The following PPP3CA variants were observed in gnomAD, a reference collection of about 807,000 sequenced individuals.
PPP3CA encodes the protein CAM-PRP catalytic subunit.
In PPP3CA, 14 loss-of-function variants were observed where a neutral mutation model predicts 66.5. The observed-to-expected ratio is 0.21, with a 90% CI of 0.14 to 0.33. The LOEUF is 0.33. Ranked by LOEUF, PPP3CA falls within the 10% of genes least tolerant of loss-of-function variation. The pLI, the probability that PPP3CA is intolerant of heterozygous loss-of-function variation, is 1.00. For synonymous variants in PPP3CA, 232 were observed against 226.2 expected (o/e 1.03, Z -0.23); for missense variants, 317 against 639.5 (o/e 0.50, Z 5.44).
At chr4:101,135,543 C>G (rs1722595595) in intron 2 of PPP3CA, among the ~76,000 whole-genome samples, 2 of 152,322 alleles carry the variant, frequency 1.3e-5, no homozygotes, top group South Asian at 4.1e-4. Context: ...GCTCAAGTAT[C>G]AGAGAGGCTT....
intron 1 of PPP3CA, among the ~76,000 whole-genome samples, chr4:101,328,416 G>A (rs1729271347): frequency 6.6e-6 from 1 of 152,162 alleles, no homozygotes; most frequent in Non-Finnish European, 1.5e-5. Flanking sequence ...GAAAAATTCT[G>A]ATCTCAAAAC....
chr4:101,257,915 C>G (rs914627839), intron 1 of PPP3CA, among the ~76,000 whole-genome samples: 7 of 152,024 alleles, frequency 4.6e-5, no homozygotes, highest in African/African-American at 1.7e-4. Flanking sequence ...ACCATGTTAG[C>G]AAATGAAACT....
intron 3 of PPP3CA, among the ~76,000 whole-genome samples, chr4:101,102,249 A>AAAGG (rs534565374): frequency 2.7e-5 from 4 of 150,736 alleles, no homozygotes; most frequent in Non-Finnish European, 4.4e-5. Flanking sequence ...GGAGGCAGAG[A>AAAGG]AAGGAAGGAA....
intron 10 of PPP3CA, among the ~76,000 whole-genome samples, chr4:101,051,250 T>A (rs1727995375): frequency 6.6e-6 from 1 of 152,186 alleles, no homozygotes; most frequent in Admixed American, 6.5e-5. Context: ...CAGAGAGAAA[T>A]ACTTTTAAAA....
At chr4:101,227,750 T>C (rs927888186) in intron 1 of PPP3CA, among the ~76,000 whole-genome samples, 3 of 151,576 alleles carry the variant, frequency 2.0e-5, no homozygotes, top group South Asian at 2.1e-4. Flanking sequence ...CTGGTGTCCA[T>C]TGCTCCCTTC....
intron 2 of PPP3CA, among the ~76,000 whole-genome samples, chr4:101,142,804 A>G (rs1300597210): frequency 1.3e-5 from 2 of 152,228 alleles, no homozygotes; most frequent in African/African-American, 4.8e-5. Context: ...AACATCTTGT[A>G]GAATCCATTT....
intron 4 of PPP3CA, among the ~76,000 whole-genome samples, chr4:101,098,795 G>A (rs1163639390): frequency 1.3e-5 from 2 of 151,922 alleles, no homozygotes; most frequent in Non-Finnish European, 2.9e-5. Flanking sequence ...TTTATCTGCA[G>A]ACGTCTCACC....
intron 10 of PPP3CA, among the ~76,000 whole-genome samples, chr4:101,051,385 T>C (rs910647708): frequency 6.6e-6 from 1 of 152,162 alleles, no homozygotes; most frequent in Admixed American, 6.6e-5. Flanking sequence ...AGTTGTTCCA[T>C]CAGTTATCAA....
chr4:101,249,532 A>G (rs1726605299), intron 1 of PPP3CA, among the ~76,000 whole-genome samples: 1 of 152,106 alleles, frequency 6.6e-6, no homozygotes, highest in African/African-American at 2.4e-5. Flanking sequence ...AAAGTTAAAC[A>G]TCAAAAAAAA....
intron 9 of PPP3CA, among the ~76,000 whole-genome samples, chr4:101,063,027 T>G (rs143919236): frequency 1.6e-4 from 25 of 151,998 alleles, no homozygotes; most frequent in African/African-American, 6.0e-4. Context: ...GTTTTGTTTT[T>G]TTTTTTGCTT....
intron 10 of PPP3CA, among the ~76,000 whole-genome samples, chr4:101,042,132 C>A (rs1286801741): frequency 6.8e-6 from 1 of 146,660 alleles, no homozygotes; most frequent in Admixed American, 6.8e-5. Flanking sequence ...AAAACTTGTA[C>A]AACACACACA....
intron 1 of PPP3CA, among the ~76,000 whole-genome samples, chr4:101,343,383 G>A (rs1352885336): frequency 6.6e-6 from 1 of 152,158 alleles, no homozygotes; most frequent in East Asian, 1.9e-4. Flanking sequence ...GAGAAATGAA[G>A]AAAAGCCAAA....
chr4:101,154,407 C>T (rs1048440997), intron 2 of PPP3CA, among the ~76,000 whole-genome samples: 1 of 152,074 alleles, frequency 6.6e-6, no homozygotes, highest in Non-Finnish European at 1.5e-5. Context: ...AATTAAAGAG[C>T]ACGTGATTTA....
intron 8 of PPP3CA, among the ~76,000 whole-genome samples, chr4:101,070,396 T>C (rs542530014): frequency 2.6e-5 from 4 of 152,244 alleles, no homozygotes; most frequent in South Asian, 2.1e-4. Flanking sequence ...TAAAAGGCAA[T>C]GTGTCACCTC....
intron 1 of PPP3CA, among the ~76,000 whole-genome samples, chr4:101,221,556 T>C (rs1410757770): frequency 6.6e-6 from 1 of 151,530 alleles, no homozygotes; most frequent in Non-Finnish European, 1.5e-5. Flanking sequence ...AGAATTCCAT[T>C]CACTTCGCTA....
At chr4:101,075,383 C>T (rs1452306070) in intron 8 of PPP3CA, among the ~76,000 whole-genome samples, 1 of 152,156 alleles carries the variant, frequency 6.6e-6, no homozygotes, top group Non-Finnish European at 1.5e-5. Flanking sequence ...TTTCATTTAA[C>T]AAATTTCCTT....
In PPP3CA at chr4:101,039,780, A is replaced by G. The variant is rs151029837; in HGVS notation, c.1241+702T>C. 2.8e-5 allele frequency among the ~76,000 whole-genome samples: 4 copies of G among 144,552 alleles called. No homozygotes were observed. The East Asian group carries it at 5.8e-4, about 21-fold the overall frequency. 94.8% of individuals were successfully genotyped at this position (144,552 alleles called of 152,430 possible). ...ATTAAATTATCCAATTGTAGATGTA[A>G]TATTTCCCAAGGTGTTCCTATTTAC... On this transcript the variant is annotated intron_variant, in intron 11 of 13. Coordinates refer to ENST00000394854, the MANE Select transcript of PPP3CA (RefSeq NM_000944.5).
intron 2 of PPP3CA, among the ~76,000 whole-genome samples, chr4:101,115,578 G>A (rs1239967763): frequency 1.3e-5 from 2 of 151,894 alleles, no homozygotes; most frequent in African/African-American, 4.8e-5. Context: ...TTGCATTAGA[G>A]AATGTAAACC....
At chr4:101,081,475 A>G (rs1179511042) in intron 7 of PPP3CA, among the ~76,000 whole-genome samples, 7 of 152,168 alleles carry the variant, frequency 4.6e-5, no homozygotes, top group Non-Finnish European at 7.4e-5. Flanking sequence ...TTAGTTCTCA[A>G]TTAAAAATAC....
Sources: allele counts gnomAD v4.1 joint callset (sites outside exome capture counted in the v4.1 genomes callset), GRCh38; gene constraint gnomAD v4.1.1; transcripts MANE v1.5; gene names NCBI Gene and HGNC (gene_info 2026-07-23, HGNC 2026-07-21).